Variants in SMC3 observed in about 807,000 individuals in gnomAD.
The protein encoded by SMC3 is structural maintenance of chromosomes 3, also known as structural maintenance of chromosomes protein 3.
SMC3 carries 20 observed loss-of-function variants against 171.8 expected under a neutral mutation model. The ratio of observed to expected loss-of-function variants is 0.12; its 90% CI spans 0.08 to 0.17. The LOEUF (loss-of-function observed/expected upper bound fraction) is 0.17. Ranked by LOEUF, SMC3 falls within the 10% of genes least tolerant of loss-of-function variation. SMC3 has a pLI of 1.00. For synonymous variants in SMC3, 464 were observed against 451.1 expected (o/e 1.03, Z -0.36); for missense variants, 543 against 1,420.4 (o/e 0.38, Z 9.93).
intron 2 of SMC3, among the ~76,000 whole-genome samples, chr10:110,570,711 C>T (rs957558679): frequency 1.3e-5 from 2 of 152,108 alleles, no homozygotes; most frequent in Non-Finnish European, 2.9e-5. Context: ...CTATAAGGTC[C>T]ATCAAATACC....
At chr10:110,584,738 C>T (rs1034520679) in intron 13 of SMC3, among the ~76,000 whole-genome samples, 1 of 152,214 alleles carries the variant, frequency 6.6e-6, no homozygotes, top group African/African-American at 2.4e-5. Context: ...GATCCTCCAT[C>T]CTTAGCCTCC....
At chr10:110,585,923 A>G (rs1474196824) in intron 13 of SMC3, among the ~76,000 whole-genome samples, 1 of 151,730 alleles carries the variant, frequency 6.6e-6, no homozygotes, top group Non-Finnish European at 1.5e-5. Flanking sequence ...TCAGCCTCCC[A>G]AGTAGCTGGG....
intron 1 of SMC3, 75 bp downstream of exon 1, chr10:110,567,906 C>T: frequency 6.9e-7 from 1 of 1,457,460 alleles, no homozygotes; most frequent in Non-Finnish European, 9.3e-7. Flanking sequence ...GTTGCGGCGC[C>T]ACCCGCAGCC....
intron 3 of SMC3, 132 bp from the exon 4 acceptor site, chr10:110,575,204 T>C: frequency 2.9e-6 from 2 of 693,484 alleles, no homozygotes; most frequent in East Asian, 2.7e-5. Flanking sequence ...TTTCCTTTTG[T>C]CCATATGAAA....
At chr10:110,582,515 A>T in intron 9 of SMC3, 47 bp from the exon 10 acceptor site, 2 of 1,256,464 alleles carry the variant, frequency 1.6e-6, no homozygotes, top group East Asian at 2.4e-5. Flanking sequence ...TGAAATATTT[A>T]GTAATTACAA....
In SMC3 at chr10:110,605,355, TAGAC is replaced by T. The variant is rs957621461; in HGVS notation, c.*1056_*1059del. Among the ~76,000 whole-genome samples the T allele has an allele frequency of 3.5e-4, 54 of 152,194 alleles. No homozygotes were observed. The highest frequency in any genetic ancestry group is 6.0e-4 in the African/African-American group (25 of 41,452). The stretch of plus-strand genomic sequence containing the variant: ...TGTAGATTCTTTGAGATTTTCTACA[TAGAC>T]AGTCATGTCATTTGCAAGAAAGAGG... On this transcript the variant is annotated 3_prime_UTR_variant, in exon 29 of 29. Coordinates refer to ENST00000361804, the MANE Select transcript of SMC3 (RefSeq NM_005445.4).
intron 3 of SMC3, among the ~76,000 whole-genome samples, chr10:110,574,285 A>T (rs1860914875): frequency 6.6e-6 from 1 of 152,244 alleles, no homozygotes; most frequent in South Asian, 2.1e-4. Context: ...AAGATAGTAA[A>T]TAGAGCTTCA....
chr10:110,595,180 ATG>A lies in SMC3; in HGVS notation c.1964-1216_1964-1215del, dbSNP rs373788478. On this transcript the variant is annotated intron_variant, in intron 18 of 28. Transcript: ENST00000361804. ...TATTTAGTAGAGACGGGGTTTCTCTATGTTGGTCAGGCTGGTCTCGAACTCCT... is the reference window on the plus strand; with the variant it reads ...TATTTAGTAGAGACGGGGTTTCTCTATTGGTCAGGCTGGTCTCGAACTCCT... Among the ~76,000 whole-genome samples the A allele has an allele frequency of 2.0e-4, 31 of 151,998 alleles. No individual in the cohort carries two copies. The South Asian group carries it at 6.5e-3, about 32-fold the overall frequency.
intron 2 of SMC3, 145 bp downstream of exon 2, chr10:110,569,158 AT>A: frequency 1.5e-6 from 1 of 672,296 alleles, no homozygotes; most frequent in Non-Finnish European, 2.7e-6. Context: ...TTTCTGTCTT[AT>A]TGCACTGATG....
intron 28 of SMC3, among the ~76,000 whole-genome samples, chr10:110,603,975 G>T (rs187213682): frequency 3.3e-3 from 498 of 151,196 alleles, no homozygotes; most frequent in Non-Finnish European, 5.2e-3. Context: ...TGCACCTGTC[G>T]TCCCAGCTAC....
chr10:110,585,107 AGTAGCT>A (rs1257979588), intron 13 of SMC3, among the ~76,000 whole-genome samples: 4 of 151,520 alleles, frequency 2.6e-5, no homozygotes, highest in African/African-American at 9.7e-5. Context: ...CAGCCTCCTG[AGTAGCT>A]GGGATTACAG....
chr10:110,586,907 T>G lies in SMC3; in HGVS notation c.1305+2511T>G, dbSNP rs1861127066. On this transcript the variant is annotated intron_variant, in intron 13 of 28. Coordinates refer to ENST00000361804, the MANE Select transcript of SMC3 (RefSeq NM_005445.4). ...CCTGACCTCAGGTGATCCGCCCACC[T>G]GAGCCTCCCAAAGTGCTGGGATTAC... 1.3e-5 allele frequency among the ~76,000 whole-genome samples: 2 copies of G among 152,312 alleles called. 1 individual carries two copies. The highest frequency in any genetic ancestry group is 4.1e-4 in the South Asian group (2 of 4,826).
At chr10:110,568,200 T>A in intron 1 of SMC3, 1 of 373,446 alleles carries the variant, frequency 2.7e-6, no homozygotes, top group Non-Finnish European at 4.9e-6. Context: ...GGCTGTGTGG[T>A]CCTGCAGGGG....
At chr10:110,590,933 G>C in intron 16 of SMC3, 58 bp from the exon 17 acceptor site, 1 of 1,532,304 alleles carries the variant, frequency 6.5e-7, no homozygotes, top group South Asian at 1.1e-5. Flanking sequence ...ATAAGTTTGG[G>C]CAACATAGGG....
intron 13 of SMC3, among the ~76,000 whole-genome samples, chr10:110,585,442 C>T (rs1371278143): frequency 6.6e-6 from 1 of 151,862 alleles, no homozygotes; most frequent in African/African-American, 2.4e-5. Context: ...GTGCCTGCCA[C>T]CACGCCCGGC....
At chr10:110,602,205 T>C (rs1564796104) in intron 25 of SMC3, 27 bp downstream of exon 25, 2 of 1,571,812 alleles carry the variant, frequency 1.3e-6, no homozygotes, top group East Asian at 2.2e-5. Context: ...AGTTAAAACA[T>C]ACACACAGAG....
chr10:110,590,335 G>A, intron 15 of SMC3, 77 bp from the exon 16 acceptor site: 1 of 1,191,408 alleles, frequency 8.4e-7, no homozygotes, highest in East Asian at 2.3e-5. Flanking sequence ...AAAATGTATG[G>A]TGTTGTGGGC....
At chr10:110,590,848 G>A in intron 16 of SMC3, 143 bp from the exon 17 acceptor site, 1 of 778,798 alleles carries the variant, frequency 1.3e-6, no homozygotes, top group Non-Finnish European at 2.1e-6. Flanking sequence ...ACTGTTTGAT[G>A]CTTAAGTGTT....
At chr10:110,579,367 G>A (rs1254549155) in intron 7 of SMC3, among the ~76,000 whole-genome samples, 3 of 150,908 alleles carry the variant, frequency 2.0e-5, no homozygotes, top group African/African-American at 7.4e-5. Flanking sequence ...GGAAGAACAC[G>A]TTTTTTTCCG....
Sources: allele counts gnomAD v4.1 joint callset (sites outside exome capture counted in the v4.1 genomes callset), GRCh38; gene constraint gnomAD v4.1.1; transcripts MANE v1.5; gene names NCBI Gene and HGNC (gene_info 2026-07-23, HGNC 2026-07-21).